The following GLI2 variants were observed in gnomAD, a reference collection of about 807,000 sequenced individuals.
GLI2 encodes GLI family zinc finger 2, also known as transcription activator GLI2.
In GLI2, 22 loss-of-function variants were observed where a neutral mutation model predicts 78.9. The observed-to-expected ratio is 0.28, with a 90% CI of 0.20 to 0.40. The LOEUF is 0.40. Among genes scored for constraint, GLI2 ranks in the 10% least tolerant of loss-of-function variants. GLI2 has a pLI of 1.00. For missense variants in GLI2, 2,097 were observed against 2,213.2 expected, an observed-to-expected ratio of 0.95 and a Z score of 1.05; for synonymous variants, 974 against 963.7, an observed-to-expected ratio of 1.01 and a Z score of -0.20.
intron 3 of GLI2, among the ~76,000 whole-genome samples, chr2:120,948,490 C>T (rs1680824501): frequency 6.6e-6 from 1 of 152,174 alleles, no homozygotes; most frequent in Non-Finnish European, 1.5e-5. Flanking sequence ...GCGGAAGTCC[C>T]AGCTCCTCCA....
At chr2:120,919,500 G>T (rs1209377636) in intron 2 of GLI2, among the ~76,000 whole-genome samples, 1 of 152,254 alleles carries the variant, frequency 6.6e-6, no homozygotes, top group East Asian at 1.9e-4. Context: ...GGCTGGGAAG[G>T]TGCATGTGGG....
At chr2:120,847,521 C>T (rs916276696) in intron 2 of GLI2, among the ~76,000 whole-genome samples, 1 of 151,990 alleles carries the variant, frequency 6.6e-6, no homozygotes, top group Non-Finnish European at 1.5e-5. Flanking sequence ...AAAGAGAACT[C>T]CTGCGAGGCT....
intron 2 of GLI2, among the ~76,000 whole-genome samples, chr2:120,830,158 G>A (rs1046101329): frequency 1.3e-5 from 2 of 152,218 alleles, no homozygotes; most frequent in African/African-American, 4.8e-5. Flanking sequence ...CCCTCCGTCT[G>A]AGTACCTGCC....
At chr2:120,850,084 G>A (rs930937455) in intron 2 of GLI2, among the ~76,000 whole-genome samples, 5 of 152,126 alleles carry the variant, frequency 3.3e-5, no homozygotes, top group Admixed American at 2.0e-4. Context: ...TTGACTAATG[G>A]AAGTTTCAGA....
intron 3 of GLI2, among the ~76,000 whole-genome samples, chr2:120,950,199 T>C (rs1479871490): frequency 6.6e-6 from 1 of 152,204 alleles, no homozygotes; most frequent in Admixed American, 6.5e-5. Context: ...GAGGTTACAG[T>C]GTGATGTGGC....
At chr2:120,840,165 G>A (rs930283475) in intron 2 of GLI2, among the ~76,000 whole-genome samples, 2 of 152,120 alleles carry the variant, frequency 1.3e-5, no homozygotes, top group Non-Finnish European at 2.9e-5. Flanking sequence ...TGAAGCCTTA[G>A]GATCCACGTC....
chr2:120,983,041 C>T (rs1392720755), intron 11 of GLI2, among the ~76,000 whole-genome samples, 161 bp downstream of exon 11: 1 of 151,718 alleles, frequency 6.6e-6, no homozygotes, highest in African/African-American at 2.4e-5. Flanking sequence ...CTCTTTGAGA[C>T]CTAGACAGAC....
At chr2:120,743,470 C>G (rs1682612133) in intron 1 of GLI2, among the ~76,000 whole-genome samples, 1 of 152,150 alleles carries the variant, frequency 6.6e-6, no homozygotes, top group African/African-American at 2.4e-5. Context: ...AAGAAATCAT[C>G]TTAAGAGCCA....
chr2:120,931,190 A>C lies in GLI2; in HGVS notation c.254+3724A>C, dbSNP rs534155795. ...TGGTACTTAAAATCAAGGAGTTGGC[A>C]GGGCTGGTTCCTTCTGGAGGCTCCA... On this transcript the variant is annotated intron_variant, in intron 3 of 13. Transcript: ENST00000361492. 2.0e-5 allele frequency among the ~76,000 whole-genome samples: 3 copies of C among 152,370 alleles called. No individual in the cohort carries two copies. The South Asian group carries it at 6.2e-4, about 32-fold the overall frequency.
intron 2 of GLI2, among the ~76,000 whole-genome samples, chr2:120,882,700 G>A (rs1031711842): frequency 1.3e-4 from 20 of 152,200 alleles, no homozygotes; most frequent in Non-Finnish European, 4.4e-5. Context: ...TCTGGGTCCT[G>A]CTGGCATTAC....
intron 5 of GLI2, among the ~76,000 whole-genome samples, chr2:120,961,831 T>C (rs1681577375): frequency 6.6e-6 from 1 of 152,240 alleles, no homozygotes; most frequent in Non-Finnish European, 1.5e-5. Context: ...GCTGGCCTTG[T>C]ATTTTTTCCT....
intron 2 of GLI2, among the ~76,000 whole-genome samples, chr2:120,852,309 G>A (rs1256509082): frequency 2.6e-5 from 4 of 152,202 alleles, no homozygotes; most frequent in Non-Finnish European, 2.9e-5. Flanking sequence ...CGTTCCCCAT[G>A]CAGCGGGGCT....
At chr2:120,803,906 G>A (rs1298006834) in intron 2 of GLI2, among the ~76,000 whole-genome samples, 2 of 152,184 alleles carry the variant, frequency 1.3e-5, no homozygotes, top group Non-Finnish European at 2.9e-5. Flanking sequence ...GGGAGACTAC[G>A]GTTTGCAGCT....
chr2:120,859,715 A>G (rs1047979417), intron 2 of GLI2, among the ~76,000 whole-genome samples: 3 of 151,372 alleles, frequency 2.0e-5, no homozygotes, highest in Admixed American at 2.0e-4. Flanking sequence ...TTGGCCTCCT[A>G]AAGTTTGGGG....
chr2:120,934,328 C>A (rs528243377), intron 3 of GLI2, among the ~76,000 whole-genome samples: 1 of 152,244 alleles, frequency 6.6e-6, no homozygotes, highest in Admixed American at 6.5e-5. Context: ...TTGCAAAAGG[C>A]AGTGAGTGTA....
chr2:120,746,577 A>G (rs537448645), intron 1 of GLI2, among the ~76,000 whole-genome samples: 1 of 152,108 alleles, frequency 6.6e-6, no homozygotes, highest in East Asian at 1.9e-4. Flanking sequence ...AAGTTTGAAG[A>G]TCTATCTCTT....
chr2:120,960,185 C>G (rs750276185), intron 5 of GLI2, among the ~76,000 whole-genome samples: 1 of 152,234 alleles, frequency 6.6e-6, no homozygotes, highest in Non-Finnish European at 1.5e-5. Context: ...GGTGCCTGAG[C>G]TCCAGCGCAG....
intron 2 of GLI2, among the ~76,000 whole-genome samples, chr2:120,858,393 A>G (rs1391223419): frequency 6.6e-6 from 1 of 152,214 alleles, no homozygotes; most frequent in Non-Finnish European, 1.5e-5. Context: ...TTGAAGACTG[A>G]TCAAGGCTAC....
Position 120,784,986 on chromosome 2 carries a change from A to G in GLI2, c.-30-12305A>G, listed in dbSNP as rs562607654. Reference sequence around the variant, plus strand: ...GGATGGAGACTCAAGATTGGCACACAGTAGGCCCTCAGGAAACCTGTGCCA... The same window carrying G: ...GGATGGAGACTCAAGATTGGCACACGGTAGGCCCTCAGGAAACCTGTGCCA... On this transcript the variant is annotated intron_variant, in intron 1 of 13. Transcript: ENST00000361492. Among the ~76,000 whole-genome samples, 9 of 152,310 alleles carry G rather than the reference A, an allele frequency of 5.9e-5. No homozygotes were observed. The East Asian group carries it at 1.7e-3, about 29-fold the overall frequency.
Sources: allele counts gnomAD v4.1 joint callset (sites outside exome capture counted in the v4.1 genomes callset), GRCh38; gene constraint gnomAD v4.1.1; transcripts MANE v1.5; gene names NCBI Gene and HGNC (gene_info 2026-07-23, HGNC 2026-07-21).